The following MRTFB variants were observed in gnomAD, a reference collection of about 807,000 sequenced individuals.
MRTFB encodes the protein myocardin related transcription factor B, also known as myocardin-related transcription factor B.
MRTFB carries 29 observed loss-of-function variants against 104.2 expected under a neutral mutation model. The observed-to-expected ratio is 0.28, with a 90% CI of 0.21 to 0.38. The LOEUF (loss-of-function observed/expected upper bound fraction) is 0.38. Among genes scored for constraint, MRTFB ranks in the 10% least tolerant of loss-of-function variants. MRTFB has a pLI of 1.00. For missense variants in MRTFB, 1,270 were observed against 1,341.6 expected (o/e 0.95, Z 0.83); for synonymous variants, 535 against 519.5 (o/e 1.03, Z -0.41).
the MRTFB span, among the ~76,000 whole-genome samples, chr16:14,002,252 G>C: frequency 6.6e-6 from 1 of 152,016 alleles, no homozygotes; most frequent in Non-Finnish European, 1.5e-5. Context: ...CCAAAGTTGG[G>C]GGTGCCTGTA....
rs2151498432 is a variant in MRTFB, at chr16:14,266,050, A to G, written c.*4606A>G. ...TATCTACCAAAAGTACTTGACCTCA[A>G]GTAACCAATAGTAATGCAAACTTGC... On this transcript the variant is annotated 3_prime_UTR_variant, in exon 17 of 17. Coordinates refer to ENST00000571589, the MANE Select transcript of MRTFB (RefSeq NM_001308142.2). 6.6e-6 allele frequency: 1 copy of G among 152,388 alleles called. No individual in the cohort carries two copies. Among genetic ancestry groups the G allele is most frequent in the East Asian group, 1.9e-4 (1 of 5,194 alleles). The allele number at this position is 152,388 out of a possible 1,614,324, so 9.4% of individuals were successfully genotyped here. A position where few individuals can be genotyped will look rare whatever the true frequency, so the allele number is the denominator to read the frequency against.
rs1242671090 is a variant in MRTFB, at chr16:14,127,919, ATATATATATATTTTTTTTTTTTTTTT to A, written c.-63-12623_-63-12598del. Reference sequence around the variant, plus strand: ...AAACTGAATATATATATATATATATATATATATATATTTTTTTTTTTTTTTTTTTTTTCTTTTTTTCCCCTTTTCTA... The same window carrying A: ...AAACTGAATATATATATATATATATATTTTTTCTTTTTTTCCCCTTTTCTA... On this transcript the variant is annotated intron_variant, in intron 2 of 16. Coordinates refer to ENST00000571589, the MANE Select transcript of MRTFB (RefSeq NM_001308142.2). Among the ~76,000 whole-genome samples, 182 of 39,322 alleles carry A rather than the reference ATATATATATATTTTTTTTTTTTTTTT, an allele frequency of 4.6e-3. 3 individuals are homozygous for A. The highest frequency in any genetic ancestry group is 0.038 in the African/African-American group (178 of 4,682). 25.8% of individuals were successfully genotyped at this position (39,322 alleles called of 152,430 possible).
In MRTFB at chr16:14,217,141, C is replaced by A; in HGVS notation, c.368C>A (p.Pro123Gln). 6.2e-7 allele frequency: 1 copy of A among 1,607,346 alleles called. No individual in the cohort carries two copies. Among genetic ancestry groups the A allele is most frequent in the Non-Finnish European group, 8.5e-7 (1 of 1,177,908 alleles). The change falls in exon 7 of 17, where the codon CCA becomes CAA. Residue 123 changes from proline to glutamine, a missense_variant. Pro to Gln is a moderately conservative substitution (Grantham distance 76, BLOSUM62 -1). This residue lies in a region of MRTFB where 64 missense variants were observed against 152.9 expected (regional missense o/e 0.42). Transcript: ENST00000571589. ...CCTCTTTTAGAAACATTTGCAGAGC[C>A]ATCCCTGCAGGCTACTCAGATGAAG... Reference protein sequence around the residue: ...MHILEETFAEPSLQATQMKLK... With the variant: ...MHILEETFAEQSLQATQMKLK...
chr16:14,112,913 T>C (rs2036351506), intron 2 of MRTFB, among the ~76,000 whole-genome samples: 1 of 152,258 alleles, frequency 6.6e-6, no homozygotes, highest in Non-Finnish European at 1.5e-5. Flanking sequence ...ACAACCCCTT[T>C]TCCTGCCTTA....
chr16:14,147,508 G>C (rs997216192), intron 3 of MRTFB, among the ~76,000 whole-genome samples: 1 of 152,152 alleles, frequency 6.6e-6, no homozygotes, highest in Non-Finnish European at 1.5e-5. Context: ...TTTCTACTCT[G>C]AGTGTCTTAT....
chr16:14,055,067 G>A, the MRTFB span, among the ~76,000 whole-genome samples: 1 of 152,000 alleles, frequency 6.6e-6, no homozygotes, highest in Non-Finnish European at 1.5e-5. Flanking sequence ...AAGTTAACAT[G>A]GAGGCCAGGT....
intron 2 of MRTFB, among the ~76,000 whole-genome samples, chr16:14,095,889 A>G (rs899661080): frequency 3.3e-4 from 50 of 151,670 alleles, no homozygotes; most frequent in African/African-American, 1.2e-3. Context: ...TGCACTATTT[A>G]CAACAGTGCT....
At chr16:14,010,287 G>A in the MRTFB span, among the ~76,000 whole-genome samples, 27 of 151,934 alleles carry the variant, frequency 1.8e-4, 1 homozygote, top group African/African-American at 5.8e-4. Flanking sequence ...ATAATTACAT[G>A]GAGTGGATCT....
intron 8 of MRTFB, among the ~76,000 whole-genome samples, chr16:14,233,229 T>C (rs76746849): frequency 6.6e-6 from 1 of 152,182 alleles, no homozygotes; most frequent in African/African-American, 2.4e-5. Context: ...AGAGATAATG[T>C]TGTCGGTAAA....
At chr16:14,076,720 T>G (rs2034083325) in intron 1 of MRTFB, among the ~76,000 whole-genome samples, 1 of 152,216 alleles carries the variant, frequency 6.6e-6, no homozygotes, top group African/African-American at 2.4e-5. Context: ...GTGTAAATAC[T>G]TTCTTCCTCC....
intron 3 of MRTFB, among the ~76,000 whole-genome samples, chr16:14,206,646 A>G (rs2151145499): frequency 6.6e-6 from 1 of 152,190 alleles, no homozygotes; most frequent in East Asian, 1.9e-4. Flanking sequence ...GGTTCAAACG[A>G]TTCTTCTGCC....
chr16:14,186,142 C>T (rs2039945801), intron 3 of MRTFB, among the ~76,000 whole-genome samples: 1 of 152,170 alleles, frequency 6.6e-6, no homozygotes, highest in African/African-American at 2.4e-5. Context: ...GTCTGAATTG[C>T]CAAAGGAAGA....
At chr16:14,063,921 G>A in the MRTFB span, among the ~76,000 whole-genome samples, 1 of 152,322 alleles carries the variant, frequency 6.6e-6, no homozygotes, top group Middle Eastern at 3.4e-3. Flanking sequence ...ATTGTAAACA[G>A]TGCTGCAATG....
chr16:14,243,008 CTTT>C (rs1567209029), intron 10 of MRTFB, among the ~76,000 whole-genome samples: 1 of 152,046 alleles, frequency 6.6e-6, no homozygotes, highest in Admixed American at 6.5e-5. Context: ...TAAACACATG[CTTT>C]ATCTCTGTGG....
rs1351914590 is a variant in MRTFB, at chr16:14,177,770, T to C, written c.155-32473T>C. ...CCCAGGAGGTCGAGGCTGCAGCGAG[T>C]AATAATTGCACCACTGTACTCCAGC... On this transcript the variant is annotated intron_variant, in intron 3 of 16. Coordinates refer to ENST00000571589, the MANE Select transcript of MRTFB (RefSeq NM_001308142.2). This position sits in a 1 kb window ranked among gnomAD's most constrained non-coding sequence, Gnocchi z 4.7. Among the ~76,000 whole-genome samples, 1 of 151,832 alleles carries C rather than the reference T, an allele frequency of 6.6e-6. No homozygotes were observed. The highest frequency in any genetic ancestry group is 1.5e-5 in the Non-Finnish European group (1 of 67,964).
chr16:14,238,698 G>C (rs1415361036), intron 9 of MRTFB, among the ~76,000 whole-genome samples: 1 of 152,184 alleles, frequency 6.6e-6, no homozygotes, highest in Non-Finnish European at 1.5e-5. Context: ...GTTGAAGAAA[G>C]TAAAGAGCAT....
chr16:14,031,351 G>T, the MRTFB span, among the ~76,000 whole-genome samples: 2 of 150,764 alleles, frequency 1.3e-5, no homozygotes, highest in Non-Finnish European at 2.9e-5. Flanking sequence ...CCGAGATTGT[G>T]CCACTGCGCC....
At chr16:14,033,290 A>G in the MRTFB span, among the ~76,000 whole-genome samples, 1 of 152,110 alleles carries the variant, frequency 6.6e-6, no homozygotes, top group Non-Finnish European at 1.5e-5. Flanking sequence ...TTATGCCTGT[A>G]ATCCCAGCAT....
chr16:14,021,956 A>T, the MRTFB span, among the ~76,000 whole-genome samples: 1 of 152,314 alleles, frequency 6.6e-6, no homozygotes, highest in East Asian at 1.9e-4. Context: ...CTGCTGGATC[A>T]AATGGTAGAT....
Sources: gnomAD v4.1 joint callset for allele counts (sites outside exome capture counted in the v4.1 genomes callset) on GRCh38, gnomAD v4.1.1 for gene constraint, gnomAD v4.1.1 regional missense constraint, Gnocchi (gnomAD v3.1) non-coding constraint, MANE v1.5 for transcripts, NCBI Gene and HGNC (gene_info 2026-07-23, HGNC 2026-07-21) for gene names.